CDH7: variants seen among roughly 807,000 people sequenced by gnomAD.
CDH7 encodes cadherin-7.
Under a neutral mutation model 71.8 loss-of-function variants are expected in CDH7, and 25 were observed. The ratio of observed to expected loss-of-function variants is 0.35; its 90% CI spans 0.25 to 0.49. CDH7 has a LOEUF of 0.49. Among genes scored for constraint, CDH7 ranks in the 20% least tolerant of loss-of-function variants. The probability of loss-of-function intolerance (pLI) is 0.99; values close to 1 mark genes in which losing one functional copy is unlikely to be tolerated. For synonymous variants in CDH7, 381 were observed against 363.8 expected (o/e 1.05, Z -0.54); for missense variants, 862 against 974.6 (o/e 0.88, Z 1.54).
intron 6 of CDH7, among the ~76,000 whole-genome samples, chr18:65,825,696 C>G (rs1568206301): frequency 1.3e-5 from 2 of 151,518 alleles, no homozygotes; most frequent in Non-Finnish European, 3.0e-5. Flanking sequence ...TAGCACATAT[C>G]AATAAAAAAA....
chr18:65,840,629 G>T (rs1403449703), intron 6 of CDH7, among the ~76,000 whole-genome samples: 1 of 152,024 alleles, frequency 6.6e-6, no homozygotes, highest in African/African-American at 2.4e-5. Context: ...GGTTTTATAA[G>T]GGGGAGTTTC....
At chr18:65,804,927 TTA>T (rs1911261699) in intron 2 of CDH7, among the ~76,000 whole-genome samples, 1 of 152,110 alleles carries the variant, frequency 6.6e-6, no homozygotes, top group Non-Finnish European at 1.5e-5. Context: ...GTTCAGAGGA[TTA>T]TGGAGAACAA....
At chr18:65,867,197 G>A (rs1156228849) in intron 11 of CDH7, among the ~76,000 whole-genome samples, 4 of 151,964 alleles carry the variant, frequency 2.6e-5, no homozygotes, top group East Asian at 3.9e-4. Flanking sequence ...CACCACGCCC[G>A]GCTAATTGTT....
intron 7 of CDH7, among the ~76,000 whole-genome samples, chr18:65,853,728 C>T (rs574566759): frequency 6.6e-6 from 1 of 151,624 alleles, no homozygotes; most frequent in African/African-American, 2.4e-5. Context: ...ATGCCCTGAC[C>T]TCCTTCATAA....
intron 5 of CDH7, among the ~76,000 whole-genome samples, chr18:65,823,183 T>A (rs1391252847): frequency 1.3e-5 from 2 of 151,870 alleles, no homozygotes; most frequent in Admixed American, 6.6e-5. Context: ...TTCCTCTTTA[T>A]CTTACATATT....
rs1357891979 is a variant in CDH7, at chr18:65,784,396, A to C, written c.210+21344A>C. Among the ~76,000 whole-genome samples, 4 of 152,254 alleles carry C rather than the reference A, an allele frequency of 2.6e-5. No individual in the cohort carries two copies. In the East Asian group the frequency reaches 7.7e-4, roughly 29 times the overall value. On this transcript the variant is annotated intron_variant, in intron 2 of 11. Coordinates refer to ENST00000397968, the MANE Select transcript of CDH7 (RefSeq NM_004361.5). ...ACAGCAAGAGCACAGACTCTGAAGC[A>C]GGAGTGGCCTACTATGCTTGAGGAA...
chr18:65,826,596 A>C (rs963801381), intron 6 of CDH7, among the ~76,000 whole-genome samples: 1 of 89,440 alleles, frequency 1.1e-5, no homozygotes, highest in Non-Finnish European at 2.3e-5. Flanking sequence ...ATACAGAATA[A>C]CAGATTATAA....
At position 65,850,898 on chromosome 18, in the gene CDH7, GC is replaced by G. The variant is rs562384816; in HGVS notation, c.1235+6835del. The stretch of plus-strand genomic sequence containing the variant: ...ACAATCATGGCTCACTGCAACTTCC[GC>G]CTTCTGGGCTCAGGTGATCCTCCCA... On this transcript the variant is annotated intron_variant, in intron 7 of 11. Transcript: ENST00000397968. Among the ~76,000 whole-genome samples, 34 of 147,862 alleles carry G rather than the reference GC, an allele frequency of 2.3e-4. 1 individual carries two copies. The South Asian group carries it at 6.8e-3, about 30-fold the overall frequency.
intron 4 of CDH7, among the ~76,000 whole-genome samples, chr18:65,816,837 C>T (rs1320924663): frequency 6.6e-6 from 1 of 152,114 alleles, no homozygotes; most frequent in Non-Finnish European, 1.5e-5. Context: ...AACTTCTCAC[C>T]ACCTAATTTC....
At chr18:65,753,242 C>T (rs1375780401) in intron 1 of CDH7, among the ~76,000 whole-genome samples, 2 of 152,118 alleles carry the variant, frequency 1.3e-5, no homozygotes, top group African/African-American at 2.4e-5. Context: ...ATAAACTCCT[C>T]AGAGTGTATA....
At chr18:65,879,509 A>G (rs769410393) in intron 11 of CDH7, among the ~76,000 whole-genome samples, 8 of 152,160 alleles carry the variant, frequency 5.3e-5, no homozygotes, top group Non-Finnish European at 7.3e-5. Flanking sequence ...TGAAGTTGCA[A>G]TGAAATCAAA....
intron 1 of CDH7, among the ~76,000 whole-genome samples, chr18:65,757,975 G>C (rs375960763): frequency 6.6e-6 from 1 of 152,116 alleles, no homozygotes; most frequent in African/African-American, 2.4e-5. Flanking sequence ...CTTCTAAAGA[G>C]GGATGCAGTG....
rs749778103 is a variant in CDH7 at position 65,859,802 on chromosome 18, A to G, written c.1589A>G (p.Asn530Ser). The change falls in exon 10 of 12, where the codon AAC becomes AGC. Residue 530 changes from asparagine to serine, a missense_variant. Physicochemically the swap from Asn to Ser is conservative, Grantham distance 46. Coordinates refer to ENST00000397968, the MANE Select transcript of CDH7 (RefSeq NM_004361.5). ...SLTTDATNNHNFSLKDNKDNT... is the reference protein window; with the variant it reads ...SLTTDATNNHSFSLKDNKDNT... ...ACAACGGATGCAACAAATAACCACA[A>G]CTTTTCATTGAAAGATAACAAAGGT... 7.5e-6 allele frequency: 12 copies of G among 1,598,894 alleles called. No individual in the cohort carries two copies. In the East Asian group the frequency reaches 2.2e-4, roughly 30 times the overall value.
intron 4 of CDH7, among the ~76,000 whole-genome samples, chr18:65,821,543 A>C (rs1419758097): frequency 6.6e-6 from 1 of 152,164 alleles, no homozygotes; most frequent in African/African-American, 2.4e-5. Flanking sequence ...GGACTTTTCA[A>C]GTAAGTGTAA....
At chr18:65,879,578 G>T (rs958223124) in intron 11 of CDH7, among the ~76,000 whole-genome samples, 1 of 152,120 alleles carries the variant, frequency 6.6e-6, no homozygotes, top group Non-Finnish European at 1.5e-5. Context: ...TTCCTTATTT[G>T]TGTATACTAG....
In CDH7 at chr18:65,881,737, G is replaced by A. The variant is rs1914238531; in HGVS notation, c.*843G>A. On this transcript the variant is annotated 3_prime_UTR_variant, in exon 12 of 12. Coordinates refer to ENST00000397968, the MANE Select transcript of CDH7 (RefSeq NM_004361.5). Reference sequence around the variant, plus strand: ...GAGCTCCAATCTCCACTAAATTCAGGTCCATCATACTGCCTCATAGTATTA... The same window carrying A: ...GAGCTCCAATCTCCACTAAATTCAGATCCATCATACTGCCTCATAGTATTA... The A allele has an allele frequency of 6.6e-6, 1 of 152,004 alleles. No individual in the cohort carries two copies. Among genetic ancestry groups the A allele is most frequent in the African/African-American group, 2.4e-5 (1 of 41,382 alleles). 9.4% of individuals were successfully genotyped at this position (152,004 alleles called of 1,614,324 possible).
Position 65,885,054 on chromosome 18 carries a change from A to C in CDH7, c.*4160A>C, listed in dbSNP as rs564796893. The C allele has an allele frequency of 4.6e-5, 7 of 152,284 alleles. No individual in the cohort carries two copies. The highest frequency in any genetic ancestry group is 1.7e-4 in the African/African-American group (7 of 41,562). The allele number at this position is 152,284 out of a possible 1,614,324, so 9.4% of individuals were successfully genotyped here. A position where few individuals can be genotyped will look rare whatever the true frequency, so the allele number is the denominator to read the frequency against. ...ATTATTAATAATGTATATTGTGTGT[A>C]TATATGACGGTGTATGAAAGTTGGC... On this transcript the variant is annotated 3_prime_UTR_variant, in exon 12 of 12. Coordinates refer to ENST00000397968, the MANE Select transcript of CDH7 (RefSeq NM_004361.5).
In CDH7 at chr18:65,888,694, G is replaced by GT. The variant is rs2144087790; in HGVS notation, c.*7806dup. ...AATCACTCAAGTTAGGCATTGTTAGGTTTTTTAAGGAAAAACTTTGATGCC... is the reference window on the plus strand; with the variant it reads ...AATCACTCAAGTTAGGCATTGTTAGGTTTTTTTAAGGAAAAACTTTGATGCC... On this transcript the variant is annotated 3_prime_UTR_variant, in exon 12 of 12. Coordinates refer to ENST00000397968, the MANE Select transcript of CDH7 (RefSeq NM_004361.5). 6.6e-6 allele frequency: 1 copy of GT among 151,630 alleles called. No individual in the cohort carries two copies. The highest frequency in any genetic ancestry group is 2.1e-4 in the South Asian group (1 of 4,802). 9.4% of individuals were successfully genotyped at this position (151,630 alleles called of 1,614,324 possible).
rs775884204 is a variant in CDH7, at chr18:65,880,560, A to G, written c.2024A>G (p.Asn675Ser). 23 of 1,613,982 alleles carry G rather than the reference A, an allele frequency of 1.4e-5. No homozygotes were observed. The highest frequency in any genetic ancestry group is 3.3e-5 in the South Asian group (3 of 91,050). Residue 675 changes from asparagine (N) to serine (S), a missense_variant, in exon 12 of 12, where the codon AAC (asparagine) becomes AGC (serine). Physicochemically the swap from Asn to Ser is conservative, Grantham distance 46. Coordinates refer to ENST00000397968, the MANE Select transcript of CDH7 (RefSeq NM_004361.5). Reference sequence around the variant, plus strand: ...GACATGGCTGCACTGAGAAACCTCAACGTCATCCGAGACACCAAGACCCGG... The same window carrying G: ...GACATGGCTGCACTGAGAAACCTCAGCGTCATCCGAGACACCAAGACCCGG... ...AFDMAALRNL[N>S]VIRDTKTRRD... is the part of the protein sequence containing the mutation.
Sources: gnomAD v4.1 joint callset for allele counts (sites outside exome capture counted in the v4.1 genomes callset) on GRCh38, gnomAD v4.1.1 for gene constraint, MANE v1.5 for transcripts, NCBI Gene and HGNC (gene_info 2026-07-23, HGNC 2026-07-21) for gene names.